Variants in DISC1 observed in about 807,000 individuals in gnomAD.
The protein encoded by DISC1 is DISC1 scaffold protein.
DISC1 carries 57 observed loss-of-function variants against 84.5 expected under a neutral mutation model. That is an observed-to-expected ratio of 0.67 (90% confidence interval 0.55 to 0.84). The LOEUF (loss-of-function observed/expected upper bound fraction) is 0.84. Among genes scored for constraint, DISC1 ranks in the 40% least tolerant of loss-of-function variants. DISC1 has a pLI of 0.00. For synonymous variants in DISC1, 411 were observed against 415.2 expected, an observed-to-expected ratio of 0.99 and a Z score of 0.12; for missense variants, 1,000 against 1,057.8, an observed-to-expected ratio of 0.95 and a Z score of 0.76.
chr1:231,940,452 T>G (rs1170483978), intron 9 of DISC1, among the ~76,000 whole-genome samples: 5 of 152,242 alleles, frequency 3.3e-5, no homozygotes, highest in Admixed American at 2.6e-4. Context: ...GCATTTTCAC[T>G]GTTCTGCCTT....
At chr1:231,841,412 A>C (rs2083058059) in intron 9 of DISC1, among the ~76,000 whole-genome samples, 1 of 152,200 alleles carries the variant, frequency 6.6e-6, no homozygotes, top group Non-Finnish European at 1.5e-5. Flanking sequence ...ATTGCGAGTC[A>C]CCCCTCAAGG....
chr1:231,679,436 G>T (rs1008960223), intron 1 of DISC1, among the ~76,000 whole-genome samples: 1 of 152,162 alleles, frequency 6.6e-6, no homozygotes, highest in Admixed American at 6.5e-5. Context: ...AGAGACAGTA[G>T]CACCTTATTT....
intron 9 of DISC1, among the ~76,000 whole-genome samples, chr1:231,934,457 C>T (rs1424367807): frequency 1.3e-5 from 2 of 152,120 alleles, no homozygotes; most frequent in East Asian, 3.8e-4. Flanking sequence ...TTAAATGGTC[C>T]GTGCTGCGGT....
At position 231,815,749 on chromosome 1, in the gene DISC1, A is replaced by AG. The variant is rs539945187; in HGVS notation, c.1793-2580_1793-2579insG. Reference sequence around the variant, plus strand: ...ACAAAACTCTGTCTCAAAAAAAAAAAAAAGAAAGAAAGAAAAAGACACATA... The same window carrying AG: ...ACAAAACTCTGTCTCAAAAAAAAAAAGAAAGAAAGAAAGAAAAAGACACATA... On this transcript the variant is annotated intron_variant, in intron 8 of 12. Coordinates refer to ENST00000439617, the MANE Select transcript of DISC1 (RefSeq NM_018662.3). Among the ~76,000 whole-genome samples, 331 of 151,684 alleles carry AG rather than the reference A, an allele frequency of 2.2e-3. 3 individuals are homozygous for AG. In the East Asian group the frequency reaches 0.035, roughly 16 times the overall value.
intron 9 of DISC1, among the ~76,000 whole-genome samples, chr1:231,925,235 A>G (rs1176617227): frequency 1.3e-5 from 2 of 152,164 alleles, no homozygotes; most frequent in African/African-American, 2.4e-5. Flanking sequence ...TGCTTGCATG[A>G]TCTTAGAAAG....
chr1:231,814,174 A>G (rs2080639852), intron 8 of DISC1, among the ~76,000 whole-genome samples: 1 of 152,190 alleles, frequency 6.6e-6, no homozygotes, highest in South Asian at 2.1e-4. Context: ...TAGCAACATA[A>G]TTTATGTTTA....
intron 3 of DISC1, among the ~76,000 whole-genome samples, chr1:231,746,214 C>G (rs1287396969): frequency 6.6e-6 from 1 of 152,208 alleles, no homozygotes; most frequent in Non-Finnish European, 1.5e-5. Context: ...GTTTAACTTT[C>G]TGTTCCTGGC....
chr1:231,990,616 G>A lies in DISC1; in HGVS notation c.2043-18169G>A, dbSNP rs757479321. On this transcript the variant is annotated intron_variant, in intron 10 of 12. Transcript: ENST00000439617. ...CAGATTACTTCCCTCTCGCCTTTCC[G>A]TCTCGCACTTGTGGGCTGCCATTCT... 4.6e-5 allele frequency among the ~76,000 whole-genome samples: 7 copies of A among 152,130 alleles called. No individual in the cohort carries two copies. The South Asian group carries it at 6.2e-4, about 14-fold the overall frequency.
intron 9 of DISC1, among the ~76,000 whole-genome samples, chr1:231,950,607 T>G (rs1658192686): frequency 6.6e-6 from 1 of 152,160 alleles, no homozygotes; most frequent in South Asian, 2.1e-4. Context: ...TGGTTTTTCT[T>G]TTGTCATTGA....
intron 6 of DISC1, among the ~76,000 whole-genome samples, chr1:231,776,749 GA>G (rs992268553): frequency 3.3e-5 from 5 of 151,440 alleles, no homozygotes; most frequent in Admixed American, 6.6e-5. Context: ...AACTGAATGG[GA>G]AAAAAAAATC....
chr1:231,789,277 C>T (rs868299583), intron 6 of DISC1, among the ~76,000 whole-genome samples: 3 of 152,114 alleles, frequency 2.0e-5, no homozygotes, highest in South Asian at 2.1e-4. Flanking sequence ...CCTGCACCAG[C>T]CACAGCAGAT....
chr1:231,661,699 T>G (rs1453452606), intron 1 of DISC1, among the ~76,000 whole-genome samples: 2 of 152,214 alleles, frequency 1.3e-5, no homozygotes, highest in Non-Finnish European at 2.9e-5. Flanking sequence ...ATGCTCCTTT[T>G]ACTCAGTGAA....
At chr1:232,012,773 C>T (rs1668144702) in intron 11 of DISC1, among the ~76,000 whole-genome samples, 1 of 152,186 alleles carries the variant, frequency 6.6e-6, no homozygotes, top group Non-Finnish European at 1.5e-5. Context: ...CGACACCTTC[C>T]TGGGTCTACG....
At chr1:231,859,110 G>A (rs1558659429) in intron 9 of DISC1, among the ~76,000 whole-genome samples, 1 of 152,148 alleles carries the variant, frequency 6.6e-6, no homozygotes, top group Non-Finnish European at 1.5e-5. Flanking sequence ...TGAGAATTCA[G>A]CTTAAAAACA....
intron 10 of DISC1, among the ~76,000 whole-genome samples, chr1:231,987,177 T>C (rs1368189655): frequency 3.3e-5 from 5 of 152,238 alleles, no homozygotes; most frequent in Non-Finnish European, 7.3e-5. Flanking sequence ...ATTGTGCTAT[T>C]TTTAGACTTC....
At position 231,829,677 on chromosome 1, in the gene DISC1, C is replaced by A. The variant is rs915867011; in HGVS notation, c.1981+11160C>A. On this transcript the variant is annotated intron_variant, in intron 9 of 12. Transcript: ENST00000439617. ...ACTTTTTTTCATTGTGTGTTTCACT[C>A]ACGTCCGTGTGAAGAGACACCAAAC... is the stretch of plus-strand genomic sequence containing the variant. Among the ~76,000 whole-genome samples the A allele has an allele frequency of 6.6e-4, 100 of 152,210 alleles. 1 individual carries two copies. Among genetic ancestry groups the A allele is most frequent in the African/African-American group, 2.1e-3 (88 of 41,522 alleles).
chr1:231,760,316 A>T (rs1450008273), intron 4 of DISC1, among the ~76,000 whole-genome samples: 4 of 152,168 alleles, frequency 2.6e-5, no homozygotes, highest in Non-Finnish European at 5.9e-5. Context: ...TGTAAAGTGC[A>T]CTTCATTGGT....
At chr1:231,938,968 A>G (rs557933016) in intron 9 of DISC1, among the ~76,000 whole-genome samples, 14 of 151,852 alleles carry the variant, frequency 9.2e-5, no homozygotes, top group South Asian at 4.2e-4. Flanking sequence ...TGTAATCTCA[A>G]CTCCATCAGG....
chr1:231,915,559 G>A (rs952161831), intron 9 of DISC1, among the ~76,000 whole-genome samples: 22 of 152,092 alleles, frequency 1.4e-4, no homozygotes, highest in Admixed American at 4.6e-4. Flanking sequence ...TGAGGTGGGC[G>A]GATCACCTGA....
Sources: gnomAD v4.1 joint callset for allele counts (sites outside exome capture counted in the v4.1 genomes callset) on GRCh38, gnomAD v4.1.1 for gene constraint, MANE v1.5 for transcripts, NCBI Gene and HGNC (gene_info 2026-07-23, HGNC 2026-07-21) for gene names.